The following GRB7 variants were observed in gnomAD, a reference collection of about 807,000 sequenced individuals.
The protein encoded by GRB7 is growth factor receptor-bound protein 7.
GRB7 carries 47 observed loss-of-function variants against 64.1 expected under a neutral mutation model. The ratio of observed to expected loss-of-function variants is 0.73; its 90% CI spans 0.58 to 0.94. GRB7 has a LOEUF of 0.94. Among genes scored for constraint, GRB7 ranks in the 40% least tolerant of loss-of-function variants. The pLI, the probability that GRB7 is intolerant of heterozygous loss-of-function variation, is 0.00. For synonymous variants in GRB7, 277 were observed against 279.9 expected (o/e 0.99, Z 0.10); for missense variants, 634 against 718.4 (o/e 0.88, Z 1.34).
intron 1 of GRB7, among the ~76,000 whole-genome samples, chr17:39,740,480 G>T (rs1263398689): frequency 1.3e-5 from 2 of 152,156 alleles, no homozygotes; most frequent in Non-Finnish European, 2.9e-5. Flanking sequence ...TCTCCAAATG[G>T]GCCTCTGAAT....
In GRB7 at chr17:39,742,307, G is replaced by T; in HGVS notation, c.6G>T (p.Glu2Asp). 6.2e-7 allele frequency: 1 copy of T among 1,614,148 alleles called. No homozygotes were observed. Among genetic ancestry groups the T allele is most frequent in the Non-Finnish European group, 8.5e-7 (1 of 1,179,998 alleles). M[E>D]LDLSPPHLSS... ...CCCTCTCTTGCTCAGACGCCATGGA[G>T]CTGGATCTGTCTCCACCTCATCTTA... Residue 2 changes from glutamate to aspartate, a missense_variant, in exon 2 of 15, where the codon GAG (glutamate) becomes GAT (aspartate). Physicochemically the swap from Glu to Asp is conservative, Grantham distance 45 (BLOSUM62 2). Around this residue, in one of 2 missense-constraint regions of GRB7, gnomAD observed 167 missense variants for 141.9 expected, o/e 1.18. Coordinates refer to ENST00000309156, the MANE Select transcript of GRB7 (RefSeq NM_005310.5).
rs550041039 is a variant in GRB7 at position 39,745,319 on chromosome 17, C to T, written c.1088C>T (p.Pro363Leu). The change falls in exon 10 of 15, where the codon CCC (proline) becomes CTC (leucine). Residue 363 changes from proline (P) to leucine (L), a missense_variant. Pro to Leu is a moderately conservative substitution (Grantham distance 98). Around this residue, in one of 2 missense-constraint regions of GRB7, gnomAD observed 467 missense variants for 576.6 expected, o/e 0.81. Transcript: ENST00000309156. ...HLHPSCLGSP[P>L]LRSASDNTLV... ...CATCCATCTTGTTTGGGCTCCCCACCCTTGGTGAGTGTGCCCAAGGGGATG... is the reference window on the plus strand; with the variant it reads ...CATCCATCTTGTTTGGGCTCCCCACTCTTGGTGAGTGTGCCCAAGGGGATG... 6 of 1,611,854 alleles carry T rather than the reference C, an allele frequency of 3.7e-6. No homozygotes were observed. Among genetic ancestry groups the T allele is most frequent in the East Asian group, 4.5e-5 (2 of 44,860 alleles).
intron 1 of GRB7, chr17:39,739,077 G>A (rs955602168): frequency 5.0e-6 from 3 of 604,154 alleles, no homozygotes; most frequent in Non-Finnish European, 7.7e-6. Flanking sequence ...AGAGACCCAG[G>A]TTCCCGGTCT....
intron 8 of GRB7, 35 bp downstream of exon 8, chr17:39,744,698 G>A: frequency 2.6e-6 from 4 of 1,546,094 alleles, no homozygotes; most frequent in East Asian, 2.4e-5. Context: ...CCTGGCCTGG[G>A]GAAGCAGGAA....
rs574719308 is a variant in GRB7 at position 39,742,343 on chromosome 17, G to T, written c.42G>T (p.Pro14=). 1.9e-6 allele frequency: 3 copies of T among 1,614,028 alleles called. No individual in the cohort carries two copies. The highest frequency in any genetic ancestry group is 2.5e-6 in the Non-Finnish European group (3 of 1,179,958). Residue 14 remains proline, a synonymous_variant, in exon 2 of 15, where the codon CCG becomes CCT. Coordinates refer to ENST00000309156, the MANE Select transcript of GRB7 (RefSeq NM_005310.5). Reference sequence around the variant, plus strand: ...CTCCACCTCATCTTAGCAGCTCTCCGGAAGACCTTTGCCCAGCCCCTGGGA... The same window carrying T: ...CTCCACCTCATCTTAGCAGCTCTCCTGAAGACCTTTGCCCAGCCCCTGGGA... ...DLSPPHLSSS[P]EDLCPAPGTP...
At chr17:39,745,210 G>C (rs200090305) in intron 9 of GRB7, 33 bp from the exon 10 acceptor site, 2 of 1,546,538 alleles carry the variant, frequency 1.3e-6, no homozygotes, top group East Asian at 4.5e-5. Context: ...AGGACCTCTC[G>C]ACCTCAAGCT....
rs1371044205 is a variant in GRB7, at chr17:39,746,763, G to A, written c.1465G>A (p.Gly489Ser). The change falls in exon 15 of 15, where the codon GGC becomes AGC. Residue 489 changes from glycine to serine, a missense_variant. Physicochemically the swap from Gly to Ser is moderately conservative, Grantham distance 56. Coordinates refer to ENST00000309156, the MANE Select transcript of GRB7 (RefSeq NM_005310.5). ...TACTGTACCCCAGAGCGAGGAGGAG[G>A]GCCGCCTGTACTTCAGCATGGATGA... ...HYLILPSEEE[G>S]RLYFSMDDGQ... is the part of the protein sequence containing the mutation. The A allele has an allele frequency of 6.2e-7, 1 of 1,613,904 alleles. No individual in the cohort carries two copies. Among genetic ancestry groups the A allele is most frequent in the Non-Finnish European group, 8.5e-7 (1 of 1,180,010 alleles).
chr17:39,743,742 A>G (rs1428142129), intron 6 of GRB7: 3 of 445,344 alleles, frequency 6.7e-6, no homozygotes, highest in East Asian at 4.3e-5. Context: ...TGGGAGGCTG[A>G]GGCGGGAGGA....
At chr17:39,742,501 A>G (rs1215257795) in intron 2 of GRB7, 45 bp downstream of exon 2, 1 of 1,612,834 alleles carries the variant, frequency 6.2e-7, no homozygotes, top group Non-Finnish European at 8.5e-7. Flanking sequence ...GCTGGATAAT[A>G]CACAGAGGCT....
chr17:39,746,984 A>G lies in GRB7; in HGVS notation c.*87A>G, dbSNP rs2143436869. The stretch of plus-strand genomic sequence containing the variant: ...ATCCAGTGGACTCTGGGGCGCGGCC[A>G]CAGGGGACGGGATGAGGAGCGGGAG... On this transcript the variant is annotated 3_prime_UTR_variant, in exon 15 of 15. Transcript: ENST00000309156. 9 of 1,435,212 alleles carry G rather than the reference A, an allele frequency of 6.3e-6. No individual in the cohort carries two copies. Among genetic ancestry groups the G allele is most frequent in the East Asian group, 2.3e-5 (1 of 42,800 alleles). 88.9% of individuals were successfully genotyped at this position (1,435,212 alleles called of 1,614,324 possible).
intron 2 of GRB7, 43 bp downstream of exon 2, chr17:39,742,499 A>G (rs766001217): frequency 1.2e-6 from 2 of 1,612,934 alleles, no homozygotes; most frequent in African/African-American, 2.7e-5. Context: ...GTGCTGGATA[A>G]TACACAGAGG....
intron 6 of GRB7, chr17:39,743,743 G>A (rs1346597149): frequency 1.8e-6 from 1 of 540,808 alleles, no homozygotes; most frequent in Non-Finnish European, 3.3e-6. Context: ...GGGAGGCTGA[G>A]GCGGGAGGAT....
chr17:39,744,862 C>T, intron 8 of GRB7, 24 bp from the exon 9 acceptor site: 1 of 1,587,682 alleles, frequency 6.3e-7, no homozygotes, highest in Non-Finnish European at 8.7e-7. Context: ...AGATATGGGA[C>T]CAGTCAATTT....
chr17:39,740,574 C>G (rs1037631562), intron 1 of GRB7, among the ~76,000 whole-genome samples: 3 of 152,106 alleles, frequency 2.0e-5, no homozygotes, highest in African/African-American at 7.2e-5. Context: ...GAGAGCAGAT[C>G]GTAGGTCCCA....
At chr17:39,742,521 C>T (rs1196513832) in intron 2 of GRB7, 45 bp from the exon 3 acceptor site, 1 of 1,613,348 alleles carries the variant, frequency 6.2e-7, no homozygotes. Flanking sequence ...TTGCAGGCCA[C>T]TGCTCCCTTC....
Position 39,746,742 on chromosome 17 carries a change from G to A in GRB7, c.1453-9G>A. 6.2e-7 allele frequency: 1 copy of A among 1,613,572 alleles called. No homozygotes were observed. On this transcript the variant is annotated splice_polypyrimidine_tract_variant and intron_variant, in intron 14 of 14. Transcript: ENST00000309156. ...TCCCTGAACTTCCACCCCCTTTACTGTACCCCAGAGCGAGGAGGAGGGCCG... is the reference window on the plus strand; with the variant it reads ...TCCCTGAACTTCCACCCCCTTTACTATACCCCAGAGCGAGGAGGAGGGCCG...
In GRB7 at chr17:39,742,362, C is replaced by A. The variant is rs541659434; in HGVS notation, c.61C>A (p.Pro21Thr). ...CTCTCCGGAAGACCTTTGCCCAGCC[C>A]CTGGGACCCCTCCTGGGACTCCCCG... The part of the protein sequence containing the change: ...SSSPEDLCPA[P>T]GTPPGTPRPP... The change falls in exon 2 of 15, where the codon CCT (proline) becomes ACT (threonine). Residue 21 changes from proline (P) to threonine (T), a missense_variant. Coordinates refer to ENST00000309156, the MANE Select transcript of GRB7 (RefSeq NM_005310.5). The A allele has an allele frequency of 6.1e-5, 99 of 1,614,020 alleles. No individual in the cohort carries two copies. In the South Asian group the frequency reaches 1.1e-3, roughly 17 times the overall value.
rs939071682 is a variant in GRB7, at chr17:39,745,330, G to A, written c.1092+7G>A. Reference sequence around the variant, plus strand: ...TTTGGGCTCCCCACCCTTGGTGAGTGTGCCCAAGGGGATGGGAGGGTGGGT... The same window carrying A: ...TTTGGGCTCCCCACCCTTGGTGAGTATGCCCAAGGGGATGGGAGGGTGGGT... On this transcript the variant is annotated splice_region_variant and intron_variant, in intron 10 of 14. Transcript: ENST00000309156. 13 of 1,609,140 alleles carry A rather than the reference G, an allele frequency of 8.1e-6. No individual in the cohort carries two copies. The highest frequency in any genetic ancestry group is 1.1e-5 in the Non-Finnish European group (13 of 1,176,730).
Position 39,745,965 on chromosome 17 carries a change from C to T in GRB7, c.1323C>T (p.Ser441=). 3 of 1,614,082 alleles carry T rather than the reference C, an allele frequency of 1.9e-6. No individual in the cohort carries two copies. The highest frequency in any genetic ancestry group is 2.5e-6 in the Non-Finnish European group (3 of 1,179,952). ...ACGGGCGCATTTCCCGTGAGGAGAG[C>T]CAGCGGCTTATTGGACAGCAGGGCT... ...WFHGRISREE[S]QRLIGQQGLV... Residue 441 remains serine (S), a synonymous_variant, in exon 13 of 15, where the codon AGC becomes AGT. Transcript: ENST00000309156.
Sources: gnomAD v4.1 joint callset for allele counts (sites outside exome capture counted in the v4.1 genomes callset) on GRCh38, gnomAD v4.1.1 for gene constraint, gnomAD v4.1.1 regional missense constraint, MANE v1.5 for transcripts, NCBI Gene and HGNC (gene_info 2026-07-23, HGNC 2026-07-21) for gene names.